CEP85L: variants seen among roughly 807,000 people sequenced by gnomAD.
CEP85L encodes the protein centrosomal protein 85L.
Under a neutral mutation model 100.3 loss-of-function variants are expected in CEP85L, and 60 were observed. The ratio of observed to expected loss-of-function variants is 0.60; its 90% CI spans 0.49 to 0.74. The LOEUF (loss-of-function observed/expected upper bound fraction) is 0.74. CEP85L is among the 30% of genes least tolerant of loss of function. CEP85L has a pLI of 0.00. For synonymous variants in CEP85L, 319 were observed against 322.7 expected (o/e 0.99, Z 0.12); for missense variants, 973 against 936.2 (o/e 1.04, Z -0.51).
intron 1 of CEP85L, among the ~76,000 whole-genome samples, chr6:118,688,677 T>A (rs1776925178): frequency 6.6e-6 from 1 of 152,244 alleles, no homozygotes. Context: ...TGGGCCAGAT[T>A]TGGTCCTCAC....
intron 6 of CEP85L, among the ~76,000 whole-genome samples, chr6:118,484,171 C>T (rs939204219): frequency 6.6e-6 from 1 of 152,124 alleles, no homozygotes; most frequent in African/African-American, 2.4e-5. Context: ...AAAAAATTAG[C>T]TGGGCGTGGT....
At chr6:118,491,497 T>C in intron 6 of CEP85L, 189 bp downstream of exon 6, 1 of 1,360,408 alleles carries the variant, frequency 7.4e-7, no homozygotes, top group Non-Finnish European at 9.4e-7. Flanking sequence ...AGAGCATTTC[T>C]ATCCTCAAAG....
chr6:118,538,429 AT>A (rs1468774060), intron 3 of CEP85L, among the ~76,000 whole-genome samples: 1 of 152,006 alleles, frequency 6.6e-6, no homozygotes, highest in Non-Finnish European at 1.5e-5. Context: ...CATCTTAAGA[AT>A]GCATATGCAT....
At chr6:118,601,836 C>T (rs933582781) in intron 2 of CEP85L, among the ~76,000 whole-genome samples, 1 of 152,170 alleles carries the variant, frequency 6.6e-6, no homozygotes, top group African/African-American at 2.4e-5. Context: ...ATCTCGTCGC[C>T]ATTTTGGTTT....
At chr6:118,683,378 A>G (rs1316189225) in intron 1 of CEP85L, among the ~76,000 whole-genome samples, 2 of 152,196 alleles carry the variant, frequency 1.3e-5, no homozygotes, top group Non-Finnish European at 2.9e-5. Flanking sequence ...ATATGGAAAG[A>G]TATGAACCAT....
chr6:118,485,826 A>T (rs935947663), intron 6 of CEP85L, among the ~76,000 whole-genome samples: 1 of 152,194 alleles, frequency 6.6e-6, no homozygotes, highest in African/African-American at 2.4e-5. Context: ...TTAGCAAATG[A>T]CCCTGTACAT....
intron 3 of CEP85L, among the ~76,000 whole-genome samples, chr6:118,539,550 A>C (rs1244830808): frequency 6.6e-6 from 1 of 152,226 alleles, no homozygotes; most frequent in Non-Finnish European, 1.5e-5. Context: ...TGTAGCAATG[A>C]ATTTTTCTAA....
intron 2 of CEP85L, among the ~76,000 whole-genome samples, chr6:118,594,990 G>A (rs1186931554): frequency 2.6e-5 from 4 of 151,768 alleles, no homozygotes; most frequent in African/African-American, 4.8e-5. Context: ...GGAAGGTTAC[G>A]AGCCAAGCCT....
intron 6 of CEP85L, among the ~76,000 whole-genome samples, chr6:118,489,985 ACACACACACACG>A (rs1378048824): frequency 6.7e-6 from 1 of 149,828 alleles, no homozygotes; most frequent in Non-Finnish European, 1.5e-5. Context: ...GTATATATAT[ACACACACACACG>A]CACACACACA....
chr6:118,638,273 T>C (rs62422230), intron 1 of CEP85L, among the ~76,000 whole-genome samples: 20,257 of 151,994 alleles, frequency 0.13, 1,726 homozygotes, highest in Non-Finnish European at 0.18. Flanking sequence ...CTAATTTGCC[T>C]TAACCTTTAA....
At chr6:118,514,749 T>A (rs558138240) in intron 4 of CEP85L, among the ~76,000 whole-genome samples, 1 of 151,526 alleles carries the variant, frequency 6.6e-6, no homozygotes, top group Admixed American at 6.6e-5. Context: ...AAACCTGTGC[T>A]AAAAATAATC....
intron 2 of CEP85L, among the ~76,000 whole-genome samples, chr6:118,611,007 A>G (rs995700676): frequency 2.6e-5 from 4 of 152,214 alleles, no homozygotes; most frequent in Non-Finnish European, 5.9e-5. Context: ...GAGATCTAAA[A>G]GAATGAAGAA....
chr6:118,559,554 T>C (rs1316842359), intron 3 of CEP85L: 1 of 189,700 alleles, frequency 5.3e-6, no homozygotes, highest in Non-Finnish European at 1.2e-5. Flanking sequence ...AGTGTCATTA[T>C]TCAAAATAGT....
At chr6:118,636,696 G>A (rs960334531) in intron 1 of CEP85L, among the ~76,000 whole-genome samples, 5 of 152,196 alleles carry the variant, frequency 3.3e-5, no homozygotes, top group African/African-American at 9.7e-5. Flanking sequence ...AAGCAGAAGA[G>A]AATTCTTCCT....
Position 118,461,593 on chromosome 6 carries a change from T to C in CEP85L, c.*3812A>G, listed in dbSNP as rs959267619. The C allele has an allele frequency of 6.6e-6, 1 of 152,038 alleles. No homozygotes were observed. The highest frequency in any genetic ancestry group is 2.4e-5 in the African/African-American group (1 of 41,402). 9.4% of individuals were successfully genotyped at this position (152,038 alleles called of 1,614,324 possible). On this transcript the variant is annotated 3_prime_UTR_variant, in exon 13 of 13. Coordinates refer to ENST00000368491, the MANE Select transcript of CEP85L (RefSeq NM_001042475.3). The stretch of plus-strand genomic sequence containing the variant: ...TTGCTGATTTAAAACTATATTCTTA[T>C]ATTTAGCACTTTTTTAAATAAGAAA...
intron 2 of CEP85L, among the ~76,000 whole-genome samples, chr6:118,580,460 A>G (rs1780507515): frequency 6.6e-6 from 1 of 152,182 alleles, no homozygotes. Flanking sequence ...CAAATCAATC[A>G]AAAGGCATCT....
At chr6:118,531,577 C>T (rs2114828940) in intron 3 of CEP85L, among the ~76,000 whole-genome samples, 1 of 152,034 alleles carries the variant, frequency 6.6e-6, no homozygotes, top group South Asian at 2.1e-4. Flanking sequence ...AAACAAACAC[C>T]CTACAGAATA....
chr6:118,691,379 C>G (rs185092422), intron 1 of CEP85L, among the ~76,000 whole-genome samples: 1 of 151,988 alleles, frequency 6.6e-6, no homozygotes, highest in East Asian at 1.9e-4. Context: ...ACTAAAAATA[C>G]AAAATTAGCC....
intron 3 of CEP85L, among the ~76,000 whole-genome samples, chr6:118,555,228 G>C (rs948733920): frequency 6.6e-6 from 1 of 151,972 alleles, no homozygotes; most frequent in Non-Finnish European, 1.5e-5. Context: ...TCGGGAGATC[G>C]AGACCATCCT....
Sources: allele counts gnomAD v4.1 joint callset (sites outside exome capture counted in the v4.1 genomes callset), GRCh38; gene constraint gnomAD v4.1.1; transcripts MANE v1.5; gene names NCBI Gene and HGNC (gene_info 2026-07-23, HGNC 2026-07-21).